DMD: variants seen among roughly 807,000 people sequenced by gnomAD.
DMD encodes the protein dystrophin, also known as mutant dystrophin.
DMD carries 63 observed loss-of-function variants against 330.1 expected under a neutral mutation model. The observed-to-expected ratio is 0.19, with a 90% confidence interval of 0.16 to 0.24. The LOEUF (loss-of-function observed/expected upper bound fraction) is 0.24, where lower values mean the gene tolerates loss of function less well. DMD is among the 10% of genes least tolerant of loss of function. The pLI, the probability that DMD is intolerant of heterozygous loss-of-function variation, is 1.00. For synonymous variants in DMD, 1,223 were observed against 959.8 expected, an observed-to-expected ratio of 1.27 and a Z score of -5.07; for missense variants, 3,344 against 2,684.1, an observed-to-expected ratio of 1.25 and a Z score of -5.43.
intron 37 of DMD, among the ~76,000 whole-genome samples, chrX:32,357,770 T>G (rs1258020082): frequency 1.8e-5 from 2 of 110,652 alleles, no homozygotes; most frequent in Non-Finnish European, 3.8e-5. Flanking sequence ...CCATGACCTC[T>G]TCACACTGTG....
intron 15 of DMD, among the ~76,000 whole-genome samples, chrX:32,568,223 A>C (rs2051974117): frequency 8.9e-6 from 1 of 112,203 alleles, no homozygotes; most frequent in Non-Finnish European, 1.9e-5. Flanking sequence ...CACCATTAAA[A>C]ATAAAATTAG....
At chrX:32,300,086 T>C (rs946720448) in intron 42 of DMD, among the ~76,000 whole-genome samples, 1 of 112,141 alleles carries the variant, frequency 8.9e-6, no homozygotes, top group Non-Finnish European at 1.9e-5. Flanking sequence ...TTAATATTTC[T>C]TTCTTATCTT....
chrX:32,830,053 T>G (rs2079037151), intron 4 of DMD, among the ~76,000 whole-genome samples: 1 of 111,693 alleles, frequency 9.0e-6, no homozygotes, highest in African/African-American at 3.2e-5. Flanking sequence ...TTGATAACCA[T>G]GAAGACTCTA....
intron 23 of DMD, among the ~76,000 whole-genome samples, chrX:32,465,890 G>C (rs1430290856): frequency 9.0e-6 from 1 of 110,898 alleles, no homozygotes; most frequent in Non-Finnish European, 1.9e-5. Flanking sequence ...GGGCTGTTCA[G>C]GTCTCATTAG....
At chrX:32,910,522 AATTCTCCTGCCAAGCG>A (rs2087133889) in intron 2 of DMD, among the ~76,000 whole-genome samples, 1 of 110,486 alleles carries the variant, frequency 9.1e-6, no homozygotes, top group African/African-American at 3.3e-5. Context: ...TCCGCCTCCC[AATTCTCCTGCCAAGCG>A]ATTCTCCTGC....
chrX:33,138,077 G>C (rs1308062095), intron 1 of DMD, among the ~76,000 whole-genome samples: 1 of 110,937 alleles, frequency 9.0e-6, no homozygotes, highest in Non-Finnish European at 1.9e-5. Flanking sequence ...AAGAGAGTCA[G>C]TGTATAAAAA....
chrX:31,356,146 C>T (rs912424697), intron 60 of DMD, among the ~76,000 whole-genome samples: 1 of 111,630 alleles, frequency 9.0e-6, no homozygotes, highest in Admixed American at 9.5e-5. Flanking sequence ...GGATAGATCA[C>T]GGGAAACAAC....
At chrX:32,866,723 TTGGGGGGGGGTGGGGGGGTG>T (rs1396619637) in intron 2 of DMD, among the ~76,000 whole-genome samples, 1 of 8,993 alleles carries the variant, frequency 1.1e-4, no homozygotes, top group African/African-American at 7.5e-4. Context: ...ACACTTTTTT[TTGGGGGGGGGTGGGGGGGTG>T]GGGGGGGGGG....
At chrX:31,839,359 A>C (rs945463080) in intron 48 of DMD, among the ~76,000 whole-genome samples, 1 of 112,104 alleles carries the variant, frequency 8.9e-6, no homozygotes, top group South Asian at 3.7e-4. Flanking sequence ...TAAACAAAAA[A>C]CCGTTGAACG....
chrX:31,849,966 C>G (rs773626245), intron 48 of DMD, among the ~76,000 whole-genome samples: 1 of 110,661 alleles, frequency 9.0e-6, no homozygotes, highest in Non-Finnish European at 1.9e-5. Flanking sequence ...GTCATGAGGG[C>G]CTGTTGTACA....
At chrX:31,494,217 G>A (rs1368078845) in intron 57 of DMD, among the ~76,000 whole-genome samples, 1 of 109,431 alleles carries the variant, frequency 9.1e-6, no homozygotes, top group Non-Finnish European at 1.9e-5. Context: ...CTGAAGGCTG[G>A]TCATCCGGAA....
intron 47 of DMD, among the ~76,000 whole-genome samples, chrX:31,892,304 A>G (rs1024702362): frequency 2.7e-5 from 3 of 111,866 alleles, no homozygotes; most frequent in African/African-American, 9.7e-5. Flanking sequence ...TTAAAATACT[A>G]TTATACCCTG....
At chrX:31,755,494 A>T (rs971443701) in intron 51 of DMD, among the ~76,000 whole-genome samples, 2 of 111,559 alleles carry the variant, frequency 1.8e-5, no homozygotes, top group Admixed American at 1.9e-4. Context: ...AACACCTGAG[A>T]GTGAGGGTAT....
At chrX:33,112,788 T>C (rs926233254) in intron 1 of DMD, among the ~76,000 whole-genome samples, 8 of 108,866 alleles carry the variant, frequency 7.3e-5, no homozygotes, top group South Asian at 4.1e-4. Context: ...CTTATTCAAC[T>C]GTTAAAGTAA....
Position 32,047,127 on chromosome X carries a change from C to T in DMD, c.6439-78613G>A, listed in dbSNP as rs139507548. Among the ~76,000 whole-genome samples the T allele has an allele frequency of 2.1e-4, 23 of 110,912 alleles. No individual in the cohort carries two copies. In the East Asian group the frequency reaches 6.2e-3, roughly 30 times the overall value. On this transcript the variant is annotated intron_variant, in intron 44 of 78. Coordinates refer to ENST00000357033, the MANE Select transcript of DMD (RefSeq NM_004006.3). ...TTGACACTTTTTAGGCTTCATATGC[C>T]AAAAAACATGAGAGTAATAATTGAC...
At chrX:32,386,543 G>C (rs745330323) in intron 32 of DMD, 78 bp from the exon 33 acceptor site, 129 of 914,915 alleles carry the variant, frequency 1.4e-4, no homozygotes, top group Non-Finnish European at 1.8e-4. Context: ...GAAATAAATA[G>C]AGATCCCCTT....
chrX:32,691,488 G>A (rs901658593), intron 9 of DMD, among the ~76,000 whole-genome samples: 1 of 111,602 alleles, frequency 9.0e-6, no homozygotes, highest in African/African-American at 3.3e-5. Context: ...ATTTATACCT[G>A]TTGGATGCCT....
intron 52 of DMD, among the ~76,000 whole-genome samples, chrX:31,689,317 C>A (rs183694534): frequency 0.07 from 7,867 of 111,615 alleles, 705 homozygotes; most frequent in African/African-American, 0.24. Context: ...CATTCTTATA[C>A]ACCAATAACA....
At chrX:31,732,995 G>T (rs754789402) in intron 51 of DMD, among the ~76,000 whole-genome samples, 1 of 111,331 alleles carries the variant, frequency 9.0e-6, no homozygotes, top group Admixed American at 9.6e-5. Flanking sequence ...CATTCTAGAG[G>T]AAACAAAACA....
Sources: allele counts gnomAD v4.1 joint callset (sites outside exome capture counted in the v4.1 genomes callset), GRCh38; gene constraint gnomAD v4.1.1; transcripts MANE v1.5; gene names NCBI Gene and HGNC (gene_info 2026-07-23, HGNC 2026-07-21).